The following FGF7 variants were observed in gnomAD, a reference collection of about 807,000 sequenced individuals.
FGF7 encodes FGF-7.
FGF7 carries 6 observed loss-of-function variants against 20.5 expected under a neutral mutation model. The ratio of observed to expected loss-of-function variants is 0.29; its 90% CI spans 0.16 to 0.58. FGF7 has a LOEUF of 0.58. Among genes scored for constraint, FGF7 ranks in the 20% least tolerant of loss-of-function variants. The probability of loss-of-function intolerance (pLI) is 0.90; values close to 1 mark genes in which losing one functional copy is unlikely to be tolerated. For missense variants in FGF7, 144 were observed against 228.8 expected (o/e 0.63, Z 2.39); for synonymous variants, 64 against 74.7 (o/e 0.86, Z 0.74).
At chr15:49,433,337 A>T (rs948712927) in intron 2 of FGF7, among the ~76,000 whole-genome samples, 2 of 150,838 alleles carry the variant, frequency 1.3e-5, no homozygotes, top group African/African-American at 4.9e-5. Context: ...CTTACTTTTT[A>T]TTTTTTTTAA....
intron 2 of FGF7, among the ~76,000 whole-genome samples, chr15:49,448,407 T>C (rs1036148002): frequency 2.6e-5 from 4 of 151,644 alleles, no homozygotes; most frequent in East Asian, 1.9e-4. Context: ...AACCACAATA[T>C]AGAACTGATG....
chr15:49,435,430 T>C (rs999121694), intron 2 of FGF7, among the ~76,000 whole-genome samples: 3 of 151,672 alleles, frequency 2.0e-5, no homozygotes, highest in Admixed American at 6.6e-5. Context: ...AGACACTCAG[T>C]AGTCAAGCAG....
At chr15:49,436,852 C>T (rs1055744765) in intron 2 of FGF7, among the ~76,000 whole-genome samples, 1 of 151,542 alleles carries the variant, frequency 6.6e-6, no homozygotes, top group Non-Finnish European at 1.5e-5. Context: ...GGATAATTTG[C>T]ATCTGAAGAA....
In FGF7 at chr15:49,477,265, G is replaced by C. The variant is rs542310046; in HGVS notation, c.287-5886G>C. Among the ~76,000 whole-genome samples, 6 of 152,262 alleles carry C rather than the reference G, an allele frequency of 3.9e-5. No homozygotes were observed. The East Asian group carries it at 1.2e-3, about 29-fold the overall frequency. On this transcript the variant is annotated intron_variant, in intron 2 of 3. Coordinates refer to ENST00000267843, the MANE Select transcript of FGF7 (RefSeq NM_002009.4). Reference sequence around the variant, plus strand: ...ATGAGTTCTGACAAATGTATATCATGTATCCACTATTACAGTATTACGCAG... The same window carrying C: ...ATGAGTTCTGACAAATGTATATCATCTATCCACTATTACAGTATTACGCAG...
intron 3 of FGF7, among the ~76,000 whole-genome samples, chr15:49,483,928 G>C (rs2056175283): frequency 6.6e-6 from 1 of 152,020 alleles, no homozygotes; most frequent in Non-Finnish European, 1.5e-5. Context: ...CTCACCTGAG[G>C]GAGGCAGAGG....
At chr15:49,446,083 A>G (rs1727232893) in intron 2 of FGF7, among the ~76,000 whole-genome samples, 1 of 151,632 alleles carries the variant, frequency 6.6e-6, no homozygotes, top group South Asian at 2.1e-4. Context: ...GTTTTATTAA[A>G]TAATTCACTA....
chr15:49,471,004 C>T (rs2054689765), intron 2 of FGF7, among the ~76,000 whole-genome samples: 1 of 152,142 alleles, frequency 6.6e-6, no homozygotes, highest in Admixed American at 6.5e-5. Flanking sequence ...GTTACCAATT[C>T]ATGTATAATA....
intron 2 of FGF7, among the ~76,000 whole-genome samples, chr15:49,461,520 C>G (rs564587288): frequency 2.0e-5 from 3 of 152,320 alleles, no homozygotes; most frequent in South Asian, 2.1e-4. Context: ...CTATACTTCT[C>G]CTACTTACTG....
intron 2 of FGF7, among the ~76,000 whole-genome samples, chr15:49,479,280 A>G (rs2055661509): frequency 6.6e-6 from 1 of 152,120 alleles, no homozygotes; most frequent in African/African-American, 2.4e-5. Context: ...GAACTCTACC[A>G]TTATGCTATC....
intron 2 of FGF7, among the ~76,000 whole-genome samples, chr15:49,471,436 T>C (rs987510402): frequency 6.6e-6 from 1 of 150,916 alleles, no homozygotes; most frequent in Non-Finnish European, 1.5e-5. Context: ...TGCACCTAGA[T>C]GGCGCCACTG....
In FGF7 at chr15:49,444,367, G is replaced by C. The variant is rs553688416; in HGVS notation, c.286+19784G>C. ...TTGAAAATGCACGGAACCAAAGTTG[G>C]TTTAAACAGTAACAGATTATGTTTT... On this transcript the variant is annotated intron_variant, in intron 2 of 3. Coordinates refer to ENST00000267843, the MANE Select transcript of FGF7 (RefSeq NM_002009.4). 2.0e-5 allele frequency among the ~76,000 whole-genome samples: 3 copies of C among 151,726 alleles called. No homozygotes were observed. The South Asian group carries it at 6.2e-4, about 32-fold the overall frequency.
intron 2 of FGF7, among the ~76,000 whole-genome samples, chr15:49,444,744 A>T (rs1272386146): frequency 6.6e-6 from 1 of 151,724 alleles, no homozygotes; most frequent in Non-Finnish European, 1.5e-5. Flanking sequence ...AATTGCAAAT[A>T]TCTCCAGCTT....
rs969167174 is a variant in FGF7 at position 49,457,548 on chromosome 15, T to C, written c.287-25603T>C. The stretch of plus-strand genomic sequence containing the variant: ...TTTTATAAGTAACTACATTATCAAA[T>C]TCCTTAGAGAACAGAAACTTTTCTA... On this transcript the variant is annotated intron_variant, in intron 2 of 3. Transcript: ENST00000267843. Among the ~76,000 whole-genome samples, 2 of 151,976 alleles carry C rather than the reference T, an allele frequency of 1.3e-5. 1 individual carries two copies. The highest frequency in any genetic ancestry group is 4.1e-4 in the South Asian group (2 of 4,828).
intron 2 of FGF7, among the ~76,000 whole-genome samples, chr15:49,444,160 T>C (rs2051953677): frequency 6.6e-6 from 1 of 151,644 alleles, no homozygotes; most frequent in Non-Finnish European, 1.5e-5. Context: ...AACTCATCAA[T>C]GAGAACCATA....
chr15:49,448,858 T>C (rs1431777821), intron 2 of FGF7, among the ~76,000 whole-genome samples: 3 of 151,852 alleles, frequency 2.0e-5, no homozygotes, highest in African/African-American at 4.8e-5. Context: ...CAATTTTCTT[T>C]AGCAGTCGAT....
chr15:49,474,499 T>C (rs1258042464), intron 2 of FGF7, among the ~76,000 whole-genome samples: 1 of 151,862 alleles, frequency 6.6e-6, no homozygotes, highest in Admixed American at 6.6e-5. Flanking sequence ...GACAGACAGG[T>C]AAATCAATGG....
intron 2 of FGF7, among the ~76,000 whole-genome samples, chr15:49,456,729 C>A (rs1373370110): frequency 6.6e-6 from 1 of 151,908 alleles, no homozygotes; most frequent in East Asian, 1.9e-4. Context: ...GGGAAAGGAT[C>A]AGGGAAGGAA....
intron 2 of FGF7, among the ~76,000 whole-genome samples, chr15:49,448,581 A>G (rs2052434065): frequency 6.6e-6 from 1 of 151,784 alleles, no homozygotes; most frequent in Admixed American, 6.6e-5. Flanking sequence ...TACAATAGTT[A>G]TATTTCTGGT....
intron 2 of FGF7, among the ~76,000 whole-genome samples, chr15:49,471,209 G>C (rs968598788): frequency 5.9e-5 from 9 of 152,072 alleles, no homozygotes; most frequent in Admixed American, 2.6e-4. Flanking sequence ...TGTGAGGCCG[G>C]ATACAGTGAC....
Sources: allele counts gnomAD v4.1 joint callset (sites outside exome capture counted in the v4.1 genomes callset), GRCh38; gene constraint gnomAD v4.1.1; transcripts MANE v1.5; gene names NCBI Gene and HGNC (gene_info 2026-07-23, HGNC 2026-07-21).